The following TMEM245 variants were observed in gnomAD, a reference collection of about 807,000 sequenced individuals.
The protein encoded by TMEM245 is transmembrane protein 245, also known as protein CG-2.
A neutral mutation model predicts 101.2 loss-of-function variants in TMEM245; 69 were observed. The ratio of observed to expected loss-of-function variants is 0.68; its 90% CI spans 0.56 to 0.83. The LOEUF (loss-of-function observed/expected upper bound fraction) is 0.83, where lower values mean the gene tolerates loss of function less well. TMEM245 is among the 40% of genes least tolerant of loss of function. The pLI is 0.00. For missense variants in TMEM245, 1,075 were observed against 1,092.8 expected, an observed-to-expected ratio of 0.98 and a Z score of 0.23; for synonymous variants, 537 against 449.8, an observed-to-expected ratio of 1.19 and a Z score of -2.45.
chr9:109,080,956 GAA>G lies in TMEM245; in HGVS notation c.1345-15_1345-14del, dbSNP rs1564195909. On this transcript the variant is annotated splice_polypyrimidine_tract_variant and intron_variant, in intron 7 of 17. Coordinates refer to ENST00000374586, the MANE Select transcript of TMEM245 (RefSeq NM_032012.4). ...ACCAGATGATCATCTGCACAAAAAC[GAA>G]AAAGAGAATTACTTATCTTTAAAGT... 6.7e-7 allele frequency: 1 copy of G among 1,483,132 alleles called. No individual in the cohort carries two copies. Among genetic ancestry groups the G allele is most frequent in the South Asian group, 1.2e-5 (1 of 85,662 alleles). The allele number at this position is 1,483,132 out of a possible 1,614,324, so 91.9% of individuals were successfully genotyped here.
At chr9:109,106,376 AATTT>A (rs1830424615) in intron 3 of TMEM245, 128 bp downstream of exon 3, 1 of 501,424 alleles carries the variant, frequency 2.0e-6, no homozygotes, top group African/African-American at 1.9e-5. Flanking sequence ...TATTTTAAAC[AATTT>A]ATTTTCCACT....
intron 5 of TMEM245, among the ~76,000 whole-genome samples, chr9:109,089,210 G>C (rs998873691): frequency 1.3e-5 from 2 of 151,200 alleles, no homozygotes; most frequent in African/African-American, 4.8e-5. Context: ...GTGGTGAATG[G>C]GTGACAAAGT....
chr9:109,057,123 A>T, intron 12 of TMEM245, 68 bp downstream of exon 12: 1 of 1,552,326 alleles, frequency 6.4e-7, no homozygotes, highest in Admixed American at 1.8e-5. Flanking sequence ...AAAGTGTATG[A>T]AGAAAACTTG....
At chr9:109,043,417 G>A (rs1481905813) in intron 14 of TMEM245, among the ~76,000 whole-genome samples, 2 of 152,160 alleles carry the variant, frequency 1.3e-5, no homozygotes, top group African/African-American at 4.8e-5. Flanking sequence ...GAAATTGACA[G>A]AACACTTACA....
chr9:109,072,790 G>C (rs1264527616), intron 9 of TMEM245, among the ~76,000 whole-genome samples: 1 of 152,190 alleles, frequency 6.6e-6, no homozygotes, highest in Admixed American at 6.5e-5. Context: ...AGAACTGCTT[G>C]AGCCCAGGAG....
At chr9:109,056,299 A>C (rs925307550) in intron 12 of TMEM245, among the ~76,000 whole-genome samples, 1 of 152,066 alleles carries the variant, frequency 6.6e-6, no homozygotes, top group East Asian at 1.9e-4. Flanking sequence ...TACTTTGATA[A>C]AAATTAAATT....
intron 11 of TMEM245, among the ~76,000 whole-genome samples, chr9:109,058,890 G>A (rs1828927173): frequency 6.6e-6 from 1 of 152,148 alleles, no homozygotes; most frequent in East Asian, 1.9e-4. Flanking sequence ...ACAGACATGA[G>A]CCACCAGGCC....
At position 109,119,505 on chromosome 9, in the gene TMEM245, C is replaced by T. The variant is rs771648297; in HGVS notation, c.409G>A (p.Ala137Thr). The change falls in exon 1 of 18, where the codon GCC becomes ACC. Residue 137 changes from alanine to threonine, a missense_variant. Physicochemically the swap from Ala to Thr is moderately conservative, Grantham distance 58. This residue lies in a region of TMEM245 where 808 missense variants were observed against 741.5 expected (regional missense o/e 1.09). Transcript: ENST00000374586. ...PLCFVDYGVE[A>T]LGEQALRRRR... ...CGGCGCAGCGCCTGCTCGCCCAGGGCCTCGACGCCGTAGTCGACGAAGCAG... is the reference window on the plus strand; with the variant it reads ...CGGCGCAGCGCCTGCTCGCCCAGGGTCTCGACGCCGTAGTCGACGAAGCAG... 1 of 1,514,038 alleles carries T rather than the reference C, an allele frequency of 6.6e-7. No homozygotes were observed. Among genetic ancestry groups the T allele is most frequent in the Non-Finnish European group, 8.8e-7 (1 of 1,137,314 alleles). The allele number at this position is 1,514,038 out of a possible 1,614,324, so 93.8% of individuals were successfully genotyped here. A position where few individuals can be genotyped will look rare whatever the true frequency, so the allele number is the denominator to read the frequency against.
chr9:109,100,943 A>G (rs1198855636), intron 3 of TMEM245, among the ~76,000 whole-genome samples: 1 of 152,176 alleles, frequency 6.6e-6, no homozygotes, highest in African/African-American at 2.4e-5. Context: ...ACCACTGAGT[A>G]AGACCCTTGG....
At chr9:109,062,680 A>C (rs1363629720) in intron 10 of TMEM245, among the ~76,000 whole-genome samples, 1 of 152,228 alleles carries the variant, frequency 6.6e-6, no homozygotes, top group East Asian at 1.9e-4. Context: ...AATATAATAA[A>C]GCCATTTGGC....
Position 109,050,933 on chromosome 9 carries a change from T to G in TMEM245, c.1855-241A>C, listed in dbSNP as rs146782383. ...TATAGACAGCAATTAAAAACATCAC[T>G]GTTATAACATGGGAAAATATTTTAC... On this transcript the variant is annotated intron_variant, in intron 12 of 17. Transcript: ENST00000374586. Among the ~76,000 whole-genome samples, 727 of 151,716 alleles carry G rather than the reference T, an allele frequency of 4.8e-3. 8 individuals carry two copies. The highest frequency in any genetic ancestry group is 0.017 in the African/African-American group (690 of 41,324).
At chr9:109,109,471 C>T (rs952888521) in intron 1 of TMEM245, among the ~76,000 whole-genome samples, 5 of 151,026 alleles carry the variant, frequency 3.3e-5, no homozygotes, top group African/African-American at 9.7e-5. Flanking sequence ...AAAGAAACTT[C>T]GAGCTATATA....
At chr9:109,033,278 C>A (rs553969925) in intron 17 of TMEM245, 29 bp downstream of exon 17, 2 of 1,561,332 alleles carry the variant, frequency 1.3e-6, no homozygotes, top group South Asian at 2.5e-5. Context: ...TGTATAAATA[C>A]AGCTTATGAT....
intron 8 of TMEM245, among the ~76,000 whole-genome samples, chr9:109,079,319 T>C (rs1219255279): frequency 3.3e-5 from 5 of 151,926 alleles, no homozygotes; most frequent in Non-Finnish European, 7.4e-5. Context: ...TCTGGCAAAC[T>C]GGATGTGGAT....
chr9:109,026,211 C>T (rs940425001), intron 17 of TMEM245, among the ~76,000 whole-genome samples: 1 of 151,782 alleles, frequency 6.6e-6, no homozygotes, highest in Non-Finnish European at 1.5e-5. Flanking sequence ...TAGACTTGGT[C>T]CTGGCAGTAA....
intron 3 of TMEM245, among the ~76,000 whole-genome samples, chr9:109,106,015 G>A (rs1029311322): frequency 1.3e-5 from 2 of 152,058 alleles, no homozygotes; most frequent in Non-Finnish European, 2.9e-5. Flanking sequence ...CTCGTGATCC[G>A]CTTGCCTCAG....
chr9:109,113,464 T>C (rs760094961), intron 1 of TMEM245, among the ~76,000 whole-genome samples: 2 of 152,224 alleles, frequency 1.3e-5, no homozygotes, highest in African/African-American at 2.4e-5. Context: ...CAAAACAACA[T>C]GTCCTTTTCA....
chr9:109,038,197 T>C, intron 14 of TMEM245, 80 bp from the exon 15 acceptor site: 1 of 1,032,260 alleles, frequency 9.7e-7, no homozygotes, highest in Non-Finnish European at 1.4e-6. Flanking sequence ...GACCACTTGA[T>C]TCCAAATCAT....
At chr9:109,068,687 TAA>T (rs1829244018) in intron 9 of TMEM245, among the ~76,000 whole-genome samples, 3 of 151,992 alleles carry the variant, frequency 2.0e-5, no homozygotes, top group African/African-American at 7.2e-5. Context: ...TAATTGGCAA[TAA>T]AAAAGAACAA....
Sources: gnomAD v4.1 joint callset for allele counts (sites outside exome capture counted in the v4.1 genomes callset) on GRCh38, gnomAD v4.1.1 for gene constraint, gnomAD v4.1.1 regional missense constraint, MANE v1.5 for transcripts, NCBI Gene and HGNC (gene_info 2026-07-23, HGNC 2026-07-21) for gene names.